The following B3GNT5 variants were observed in gnomAD, a reference collection of about 807,000 sequenced individuals.
The protein encoded by B3GNT5 is lactosylceramide 1,3-N-acetyl-beta-D-glucosaminyltransferase.
In B3GNT5, 11 loss-of-function variants were observed where a neutral mutation model predicts 25.9. That is an observed-to-expected ratio of 0.42 (90% CI 0.27 to 0.70). B3GNT5 has a LOEUF of 0.70. Among genes scored for constraint, B3GNT5 ranks in the 30% least tolerant of loss-of-function variants. The pLI is 0.23. For synonymous variants in B3GNT5, 166 were observed against 158.6 expected (o/e 1.05, Z -0.35); for missense variants, 385 against 458.4 (o/e 0.84, Z 1.46).
In B3GNT5 at chr3:183,270,689, G is replaced by A. The variant is rs972241019; in HGVS notation, c.891G>A (p.Pro297=). 9 of 1,613,788 alleles carry A rather than the reference G, an allele frequency of 5.6e-6. No homozygotes were observed. The highest frequency in any genetic ancestry group is 3.3e-5 in the South Asian group (3 of 91,038). ...GLCANKIGIV[P]QDHVFFSGEG... is the part of the protein sequence containing the mutation. ...GTGCCAATAAAATAGGGATAGTACC[G>A]CAGGACCATGTGTTTTTTTCTGGAG... The change falls in exon 2 of 2, where the codon CCG becomes CCA. Residue 297 remains proline, a synonymous_variant. Transcript: ENST00000326505. This position sits in a 1 kb window ranked among gnomAD's most constrained non-coding sequence, Gnocchi z 4.5.
At chr3:183,257,198 G>A (rs1208781352) in intron 1 of B3GNT5, among the ~76,000 whole-genome samples, 3 of 152,178 alleles carry the variant, frequency 2.0e-5, no homozygotes, top group African/African-American at 7.2e-5. Context: ...ATGATCCTGA[G>A]AAAACACTGG....
rs1726693521 is a variant in B3GNT5, at chr3:183,270,736, C to T, written c.938C>T (p.Pro313Leu). 2 of 1,613,542 alleles carry T rather than the reference C, an allele frequency of 1.2e-6. No homozygotes were observed. Among genetic ancestry groups the T allele is most frequent in the East Asian group, 2.2e-5 (1 of 44,880 alleles). Reference sequence around the variant, plus strand: ...GGAGAGGGTAAAACTCCTTATCATCCCTGCATCTATGAAAAAATGATGACA... The same window carrying T: ...GGAGAGGGTAAAACTCCTTATCATCTCTGCATCTATGAAAAAATGATGACA... ...FSGEGKTPYH[P>L]CIYEKMMTSH... Residue 313 changes from proline to leucine, a missense_variant, in exon 2 of 2, where the codon CCC (proline) becomes CTC (leucine). By Grantham distance (98) the Pro-to-Leu change is moderately conservative. Coordinates refer to ENST00000326505, the MANE Select transcript of B3GNT5 (RefSeq NM_032047.5). This position sits in a 1 kb window ranked among gnomAD's most constrained non-coding sequence, Gnocchi z 4.5.
In B3GNT5 at chr3:183,273,017, G is replaced by A; in HGVS notation, c.*2082G>A. 1 of 1,486,538 alleles carries A rather than the reference G, an allele frequency of 6.7e-7. No homozygotes were observed. The highest frequency in any genetic ancestry group is 8.9e-7 in the Non-Finnish European group (1 of 1,120,566). The allele number at this position is 1,486,538 out of a possible 1,614,324, so 92.1% of individuals were successfully genotyped here. On this transcript the variant is annotated 3_prime_UTR_variant, in exon 2 of 2. Transcript: ENST00000326505. The stretch of plus-strand genomic sequence containing the variant: ...TTCCTTTTTTTCTAAGAAGGAAGTT[G>A]CTAGATGATTCCTTCATCACACTTA...
Position 183,272,728 on chromosome 3 carries a change from T to G in B3GNT5, c.*1793T>G, listed in dbSNP as rs186812949. On this transcript the variant is annotated 3_prime_UTR_variant, in exon 2 of 2. Transcript: ENST00000326505. The stretch of plus-strand genomic sequence containing the variant: ...AGCATATTTGACCAAGCAACAAGCT[T>G]ATAATTAATTTTTATTAGTTGATTG... 412 of 1,035,030 alleles carry G rather than the reference T, an allele frequency of 4.0e-4. 4 individuals are homozygous for G. The highest frequency in any genetic ancestry group is 3.8e-5 in the Non-Finnish European group (32 of 852,934). 64.1% of individuals were successfully genotyped at this position (1,035,030 alleles called of 1,614,324 possible).
chr3:183,257,378 G>A (rs1725140112), intron 1 of B3GNT5, among the ~76,000 whole-genome samples: 1 of 152,178 alleles, frequency 6.6e-6, no homozygotes, highest in African/African-American at 2.4e-5. Context: ...TGATAGAAGA[G>A]CTACACCTGA....
intron 1 of B3GNT5, among the ~76,000 whole-genome samples, chr3:183,261,371 A>G (rs1725567139): frequency 6.6e-6 from 1 of 152,216 alleles, no homozygotes; most frequent in Non-Finnish European, 1.5e-5. Context: ...AATGCAGCAT[A>G]AAGATGGTAC....
rs150609425 is a variant in B3GNT5, at chr3:183,260,544, A to C, written c.-302+7072A>C. Among the ~76,000 whole-genome samples, 641 of 152,272 alleles carry C rather than the reference A, an allele frequency of 4.2e-3. 17 individuals carry two copies. In the South Asian group the frequency reaches 0.059, roughly 14 times the overall value. ...TGCATAATCAAACTGGTTACTGGGA[A>C]TTATTGAGTTCATATAACTTCCCTA... On this transcript the variant is annotated intron_variant, in intron 1 of 1. Coordinates refer to ENST00000326505, the MANE Select transcript of B3GNT5 (RefSeq NM_032047.5).
chr3:183,257,919 C>G (rs993307981), intron 1 of B3GNT5, among the ~76,000 whole-genome samples: 3 of 141,836 alleles, frequency 2.1e-5, no homozygotes, highest in Non-Finnish European at 3.0e-5. Context: ...TGCGTAGTCT[C>G]TCTTGGAATG....
At chr3:183,257,893 G>C (rs1271850244) in intron 1 of B3GNT5, among the ~76,000 whole-genome samples, 1 of 142,820 alleles carries the variant, frequency 7.0e-6, no homozygotes, top group Non-Finnish European at 1.5e-5. Context: ...TCTCTTATGT[G>C]CTTAAAAAAA....
rs1726294170 is a variant in B3GNT5, at chr3:183,267,686, TCCA to T, written c.-301-1811_-301-1809del. On this transcript the variant is annotated intron_variant, in intron 1 of 1. Transcript: ENST00000326505. The surrounding 1 kb of genome is among the most constrained non-coding windows in gnomAD (Gnocchi z 5.5). ...CCGAGGAAGAGAGCCTACCTTTCCA[TCCA>T]AGGAAGTGTTTTACCTGTGGTAAGC... Among the ~76,000 whole-genome samples, 1 of 152,166 alleles carries T rather than the reference TCCA, an allele frequency of 6.6e-6. No homozygotes were observed. The highest frequency in any genetic ancestry group is 2.4e-5 in the African/African-American group (1 of 41,436).
rs577133499 is a variant in B3GNT5, at chr3:183,272,498, T to G, written c.*1563T>G. The G allele has an allele frequency of 1.4e-5, 14 of 996,490 alleles. No homozygotes were observed. The African/African-American group carries it at 2.4e-4, about 17-fold the overall frequency. The allele number at this position is 996,490 out of a possible 1,614,324, so 61.7% of individuals were successfully genotyped here. ...ATACTTACAATTTTTAGCAGGTAGC[T>G]TTTTAATGTTTACAGAAATTTTAAT... is the stretch of plus-strand genomic sequence containing the variant. On this transcript the variant is annotated 3_prime_UTR_variant, in exon 2 of 2. Coordinates refer to ENST00000326505, the MANE Select transcript of B3GNT5 (RefSeq NM_032047.5).
At chr3:183,261,531 C>G (rs548281532) in intron 1 of B3GNT5, among the ~76,000 whole-genome samples, 1 of 152,078 alleles carries the variant, frequency 6.6e-6, no homozygotes, top group South Asian at 2.1e-4. Flanking sequence ...CTGTGACTCA[C>G]CGGAGGAGCC....
Position 183,270,124 on chromosome 3 carries a change from G to T in B3GNT5, c.326G>T (p.Arg109Met). Residue 109 changes from arginine to methionine, a missense_variant, in exon 2 of 2, where the codon AGG (arginine) becomes ATG (methionine). Transcript: ENST00000326505. The surrounding 1 kb of genome is among the most constrained non-coding windows in gnomAD (Gnocchi z 4.5). ...TATGATCGACGTTCCGGAATTAGAA[G>T]GACGTGGGGCAATGAAAATTATGTT... Reference protein sequence around the residue: ...ENYDRRSGIRRTWGNENYVRS... With the variant: ...ENYDRRSGIRMTWGNENYVRS... 6.2e-7 allele frequency: 1 copy of T among 1,614,130 alleles called. No homozygotes were observed. The highest frequency in any genetic ancestry group is 8.5e-7 in the Non-Finnish European group (1 of 1,180,022).
At chr3:183,257,768 T>C (rs73064095) in intron 1 of B3GNT5, among the ~76,000 whole-genome samples, 2,783 of 146,996 alleles carry the variant, frequency 0.019, 81 homozygotes, top group African/African-American at 0.072. Flanking sequence ...GTTTTTCTTA[T>C]TATTATTCAA....
At chr3:183,254,989 T>C (rs980363206) in intron 1 of B3GNT5, among the ~76,000 whole-genome samples, 3 of 152,158 alleles carry the variant, frequency 2.0e-5, no homozygotes, top group Non-Finnish European at 2.9e-5. Context: ...TCTTGGCCGG[T>C]GTTGGTTTTC....
rs1014603119 is a variant in B3GNT5, at chr3:183,272,668, G to A, written c.*1733G>A. On this transcript the variant is annotated 3_prime_UTR_variant, in exon 2 of 2. Transcript: ENST00000326505. ...AGGGTTTTAGATCATTACAGTTTAA[G>A]TTTTCTGACCAATTAAAAAAACATA... 2.0e-6 allele frequency: 2 copies of A among 1,004,096 alleles called. No individual in the cohort carries two copies. The highest frequency in any genetic ancestry group is 2.4e-6 in the Non-Finnish European group (2 of 832,608). 62.2% of individuals were successfully genotyped at this position (1,004,096 alleles called of 1,614,324 possible). A position where few individuals can be genotyped will look rare whatever the true frequency, so the allele number is the denominator to read the frequency against.
At position 183,272,732 on chromosome 3, in the gene B3GNT5, A is replaced by G; in HGVS notation, c.*1797A>G. ...TATTTGACCAAGCAACAAGCTTATA[A>G]TTAATTTTTATTAGTTGATTGATTA... is the stretch of plus-strand genomic sequence containing the variant. On this transcript the variant is annotated 3_prime_UTR_variant, in exon 2 of 2. Transcript: ENST00000326505. 1 of 1,039,000 alleles carries G rather than the reference A, an allele frequency of 9.6e-7. No homozygotes were observed. The highest frequency in any genetic ancestry group is 1.7e-5 in the African/African-American group (1 of 59,006). 64.4% of individuals were successfully genotyped at this position (1,039,000 alleles called of 1,614,324 possible). A position where few individuals can be genotyped will look rare whatever the true frequency, so the allele number is the denominator to read the frequency against.
intron 1 of B3GNT5, among the ~76,000 whole-genome samples, chr3:183,263,841 A>G (rs1056080060): frequency 2.0e-5 from 3 of 151,398 alleles, no homozygotes; most frequent in African/African-American, 7.3e-5. Context: ...TTCCTCCTTT[A>G]CTCGCCATCC....
chr3:183,271,390 A>G lies in B3GNT5; in HGVS notation c.*455A>G, dbSNP rs1726768355. The G allele has an allele frequency of 1.2e-5, 2 of 167,866 alleles. No individual in the cohort carries two copies. Among genetic ancestry groups the G allele is most frequent in the African/African-American group, 4.8e-5 (2 of 41,460 alleles). 10.4% of individuals were successfully genotyped at this position (167,866 alleles called of 1,614,324 possible). ...TGGTGGAGGTAGTAGGGGCAGGGAA[A>G]GGTCAGCATAGGAGAGAAAGTTCAT... On this transcript the variant is annotated 3_prime_UTR_variant, in exon 2 of 2. Transcript: ENST00000326505.
Sources: gnomAD v4.1 joint callset for allele counts (sites outside exome capture counted in the v4.1 genomes callset) on GRCh38, gnomAD v4.1.1 for gene constraint, Gnocchi (gnomAD v3.1) non-coding constraint, MANE v1.5 for transcripts, NCBI Gene and HGNC (gene_info 2026-07-23, HGNC 2026-07-21) for gene names.